Variants in ZNF75A observed in about 807,000 individuals in gnomAD.
ZNF75A encodes zinc finger protein 75A.
Under a neutral mutation model 46.3 loss-of-function variants are expected in ZNF75A, and 36 were observed. The ratio of observed to expected loss-of-function variants is 0.78; its 90% confidence interval spans 0.60 to 1.03. The LOEUF is 1.03. Among genes scored for constraint, ZNF75A ranks in the 50% least tolerant of loss-of-function variants. The pLI is 0.00. For synonymous variants in ZNF75A, 234 were observed against 189.9 expected (o/e 1.23, Z -1.91); for missense variants, 595 against 551.3 (o/e 1.08, Z -0.79).
At chr16:3,312,597 A>T (rs1960892753) in intron 3 of ZNF75A, 80 bp from the exon 4 acceptor site, 4 of 543,290 alleles carry the variant, frequency 7.4e-6, no homozygotes, top group Non-Finnish European at 9.4e-6. Context: ...GTACTTAAAA[A>T]GTCAGGATCA....
intron 5 of ZNF75A, among the ~76,000 whole-genome samples, chr16:3,313,740 A>G (rs1388213907): frequency 6.6e-6 from 1 of 152,196 alleles, no homozygotes; most frequent in East Asian, 1.9e-4. Flanking sequence ...AAACCTAATC[A>G]GATCATGACA....
chr16:3,313,229 G>T, intron 5 of ZNF75A, 54 bp downstream of exon 5: 1 of 1,582,606 alleles, frequency 6.3e-7, no homozygotes, highest in South Asian at 1.1e-5. Context: ...TTGGCTTACT[G>T]AGAAGGAACC....
At chr16:3,315,168 G>A in intron 5 of ZNF75A, 5 of 785,894 alleles carry the variant, frequency 6.4e-6, no homozygotes, top group Non-Finnish European at 7.7e-6. Context: ...AGTTGCTCAG[G>A]GCAAACAAAG....
rs1961379786 is a variant in ZNF75A, at chr16:3,318,299, C to G, written c.*430C>G. 1.0e-6 allele frequency: 1 copy of G among 990,202 alleles called. No individual in the cohort carries two copies. The highest frequency in any genetic ancestry group is 1.2e-6 in the Non-Finnish European group (1 of 833,084). 61.3% of individuals were successfully genotyped at this position (990,202 alleles called of 1,614,324 possible). A position where few individuals can be genotyped will look rare whatever the true frequency, so the allele number is the denominator to read the frequency against. On this transcript the variant is annotated 3_prime_UTR_variant, in exon 7 of 7. Transcript: ENST00000669516. Reference sequence around the variant, plus strand: ...TTCTTTTGTCATTGGACACGGTTTGCAAAGTTGGACATCACTTGAGTTCCT... The same window carrying G: ...TTCTTTTGTCATTGGACACGGTTTGGAAAGTTGGACATCACTTGAGTTCCT...
downstream of ZNF75A, chr16:3,322,896 C>T (rs1163554960): frequency 8.7e-5 from 86 of 985,124 alleles, 1 homozygote; most frequent in Non-Finnish European, 1.0e-4. Flanking sequence ...GTTACTCATT[C>T]ACCAACATTA....
downstream of ZNF75A, chr16:3,318,928 T>C (rs1961417967): frequency 1.1e-5 from 9 of 800,686 alleles, no homozygotes; most frequent in East Asian, 1.3e-4. Context: ...CCTGTCTTTG[T>C]TCTTTCCAGC....
At chr16:3,315,190 T>G (rs983325224) in intron 5 of ZNF75A, 9 of 408,302 alleles carry the variant, frequency 2.2e-5, no homozygotes, top group East Asian at 1.6e-4. Flanking sequence ...ACTGTCATGT[T>G]TTTTTTTTTT....
intron 5 of ZNF75A, chr16:3,314,953 C>G (rs1412516294): frequency 2.0e-6 from 2 of 985,248 alleles, no homozygotes; most frequent in African/African-American, 1.7e-5. Context: ...GTGAGAGGGT[C>G]TCAGTGTTCC....
At chr16:3,311,537 GGCACCACAGTTT>G (rs1026383991) in intron 2 of ZNF75A, 1 of 153,024 alleles carries the variant, frequency 6.5e-6, no homozygotes, top group African/African-American at 2.4e-5. Flanking sequence ...AGGGCTGGCA[GGCACCACAGTTT>G]GTTTCCTTTC....
At position 3,318,399 on chromosome 16, in the gene ZNF75A, C is replaced by G. The variant is rs1339800404; in HGVS notation, c.*530C>G. 2.4e-5 allele frequency: 24 copies of G among 986,960 alleles called. No homozygotes were observed. Among genetic ancestry groups the G allele is most frequent in the Non-Finnish European group, 2.9e-5 (24 of 831,158 alleles). The allele number at this position is 986,960 out of a possible 1,614,324, so 61.1% of individuals were successfully genotyped here. ...ACTGTGATGAAATCTTGTTAACCAC[C>G]ACTAGGGAATCTCCAGATGAACTAT... On this transcript the variant is annotated 3_prime_UTR_variant, in exon 7 of 7. Coordinates refer to ENST00000669516, the MANE Select transcript of ZNF75A (RefSeq NM_001302109.2).
chr16:3,310,132 A>G (rs978226140), intron 2 of ZNF75A, among the ~76,000 whole-genome samples: 1 of 151,998 alleles, frequency 6.6e-6, no homozygotes, highest in South Asian at 2.1e-4. Context: ...GTGGTGGCTC[A>G]CATCTGTGAT....
At chr16:3,315,662 G>A (rs564239235) in intron 5 of ZNF75A, among the ~76,000 whole-genome samples, 64 of 152,310 alleles carry the variant, frequency 4.2e-4, no homozygotes, top group African/African-American at 1.5e-3. Flanking sequence ...ATCAATGTCA[G>A]TAGCTTTCTA....
downstream of ZNF75A, among the ~76,000 whole-genome samples, chr16:3,319,785 TTTTTTTTTTTTA>T (rs1479842460): frequency 3.2e-4 from 40 of 123,530 alleles, no homozygotes; most frequent in Admixed American, 1.7e-3. Flanking sequence ...AGCTTTTCAT[TTTTTTTTTTTTA>T]TTTTTTTTTT....
At chr16:3,312,553 TCA>T (rs1020899052) in intron 3 of ZNF75A, 122 bp from the exon 4 acceptor site, 20 of 191,214 alleles carry the variant, frequency 1.0e-4, no homozygotes, top group African/African-American at 4.3e-4. Flanking sequence ...GCTTCAGGCA[TCA>T]CACACACCAC....
intron 1 of ZNF75A, chr16:3,306,722 A>G (rs1158797922): frequency 6.6e-6 from 1 of 151,774 alleles, no homozygotes; most frequent in African/African-American, 2.4e-5. Context: ...AAAAAAAAAA[A>G]CAAAATTCGT....
At chr16:3,319,218 ATTC>A (rs1424406522), downstream of ZNF75A, among the ~76,000 whole-genome samples, 1 of 152,002 alleles carries the variant, frequency 6.6e-6, no homozygotes, top group African/African-American at 2.4e-5. Flanking sequence ...GATTCAAGCA[ATTC>A]TTCTGCCTCA....
downstream of ZNF75A, among the ~76,000 whole-genome samples, chr16:3,319,300 A>T (rs1339263796): frequency 2.6e-5 from 4 of 152,082 alleles, no homozygotes; most frequent in Non-Finnish European, 4.4e-5. Flanking sequence ...TTTTTAGTAG[A>T]GACGGGGTTT....
intron 2 of ZNF75A, among the ~76,000 whole-genome samples, chr16:3,311,239 A>G (rs1050878398): frequency 2.0e-5 from 3 of 152,022 alleles, no homozygotes; most frequent in Non-Finnish European, 2.9e-5. Context: ...GGAGTTTGAG[A>G]CCAGCTTGAC....
chr16:3,314,503 T>C lies in ZNF75A; in HGVS notation c.823+1328T>C, dbSNP rs942776671. On this transcript the variant is annotated intron_variant, in intron 5 of 6. Coordinates refer to ENST00000669516, the MANE Select transcript of ZNF75A (RefSeq NM_001302109.2). The stretch of plus-strand genomic sequence containing the variant: ...GCCCAGCATGTGCCCTGAGGCATGT[T>C]AGCCCCAGAGGTTCTACCCTGGACA... Among the ~76,000 whole-genome samples, 49 of 152,346 alleles carry C rather than the reference T, an allele frequency of 3.2e-4. 1 individual carries two copies. The highest frequency in any genetic ancestry group is 2.9e-3 in the Admixed American group (45 of 15,298).
Sources: allele counts gnomAD v4.1 joint callset (sites outside exome capture counted in the v4.1 genomes callset), GRCh38; gene constraint gnomAD v4.1.1; transcripts MANE v1.5; gene names NCBI Gene and HGNC (gene_info 2026-07-23, HGNC 2026-07-21).